Variants in RASSF7 observed in about 807,000 individuals in gnomAD.
The protein encoded by RASSF7 is Ras association domain family member 7, also known as ras association domain-containing protein 7.
A neutral mutation model predicts 33.8 loss-of-function variants in RASSF7; 41 were observed. The observed-to-expected ratio is 1.21, with a 90% confidence interval of 0.95 to 1.57. The LOEUF (loss-of-function observed/expected upper bound fraction) is 1.57, where lower values mean the gene tolerates loss of function less well. RASSF7 is among the 40% of genes most tolerant of loss of function. The probability of loss-of-function intolerance (pLI) is 0.00; values close to 1 mark genes in which losing one functional copy is unlikely to be tolerated. For missense variants in RASSF7, 622 were observed against 497.0 expected (o/e 1.25, Z -2.39); for synonymous variants, 298 against 212.8 (o/e 1.40, Z -3.48).
In RASSF7 at chr11:563,289, G is replaced by A. The variant is rs34358040; in HGVS notation, c.923G>A (p.Arg308Gln). 6.1e-4 allele frequency: 983 copies of A among 1,610,520 alleles called. 6 individuals are homozygous for A. The African/African-American group carries it at 0.011, about 19-fold the overall frequency. The change falls in exon 4 of 6, where the codon CGG (arginine) becomes CAG (glutamine). Residue 308 changes from arginine (R) to glutamine (Q), a missense_variant. Arg to Gln is a conservative substitution (Grantham distance 43). Transcript: ENST00000397583. ...GGGGCTGCGCTGCCACCGCCCCCAC[G>A]GCCTGACAGGGGCCCTCCTGGCACT... is the stretch of plus-strand genomic sequence containing the variant. ...QTGAALPPPP[R>Q]PDRGPPGTQG...
rs746222609 is a variant in RASSF7 at position 561,855 on chromosome 11, C to T, written c.87C>T (p.Thr29=). 2.1e-5 allele frequency: 34 copies of T among 1,613,574 alleles called. No individual in the cohort carries two copies. The highest frequency in any genetic ancestry group is 2.9e-5 in the Non-Finnish European group (34 of 1,179,998). The change falls in exon 2 of 6, where the codon ACC becomes ACT. Residue 29 remains threonine, a synonymous_variant. Transcript: ENST00000397583. Reference sequence around the variant, plus strand: ...TCTGTGGGGTCTCAGAGCAGACCACCTGCCAGGAAGTGGTCATCGCACTAG... The same window carrying T: ...TCTGTGGGGTCTCAGAGCAGACCACTTGCCAGGAAGTGGTCATCGCACTAG... ...RVVCGVSEQT[T]CQEVVIALAQ...
chr11:562,117 G>A lies in RASSF7; in HGVS notation c.163G>A (p.Glu55Lys), dbSNP rs1256814157. The change falls in exon 3 of 6, where the codon GAG (glutamate) becomes AAG (lysine). Residue 55 changes from glutamate (E) to lysine (K), a missense_variant. Transcript: ENST00000397583. Reference sequence around the variant, plus strand: ...CTTTGTGCTTGTGCAGCGGCTTCGGGAGAAGGAGCGGCAGTTGCTGCCACA... The same window carrying A: ...CTTTGTGCTTGTGCAGCGGCTTCGGAAGAAGGAGCGGCAGTTGCTGCCACA... ...GRFVLVQRLR[E>K]KERQLLPQEC... is the part of the protein sequence containing the mutation. 1.3e-6 allele frequency: 2 copies of A among 1,536,730 alleles called. No individual in the cohort carries two copies. The highest frequency in any genetic ancestry group is 2.3e-5 in the East Asian group (1 of 43,984).
Position 561,190 on chromosome 11 carries a change from C to T in RASSF7, c.-295C>T, listed in dbSNP as rs905829742. The T allele has an allele frequency of 1.1e-4, 111 of 984,872 alleles. 1 individual carries two copies. The highest frequency in any genetic ancestry group is 1.3e-4 in the Non-Finnish European group (108 of 829,810). 61.0% of individuals were successfully genotyped at this position (984,872 alleles called of 1,614,324 possible). On this transcript the variant is annotated 5_prime_UTR_variant, in exon 1 of 6. Coordinates refer to ENST00000397583, the MANE Select transcript of RASSF7 (RefSeq NM_003475.4). ...GCCCTGCGGAACGGGGACGCCCTGG[C>T]TCCCGCCAGGCTGGGGTCGCGGCGC...
rs1428551285 is a variant in RASSF7 at position 563,747 on chromosome 11, G to A, written c.*102G>A. 11 of 1,167,440 alleles carry A rather than the reference G, an allele frequency of 9.4e-6. No homozygotes were observed. Among genetic ancestry groups the A allele is most frequent in the Admixed American group, 2.3e-5 (1 of 43,782 alleles). The allele number at this position is 1,167,440 out of a possible 1,614,324, so 72.3% of individuals were successfully genotyped here. The stretch of plus-strand genomic sequence containing the variant: ...CAGGCAGTGGGAAGCCCTGGGTTTG[G>A]CCTCAGGAGCTGGGGGTGCAGTGGG... On this transcript the variant is annotated 3_prime_UTR_variant, in exon 6 of 6. Coordinates refer to ENST00000397583, the MANE Select transcript of RASSF7 (RefSeq NM_003475.4).
In RASSF7 at chr11:562,279, C is replaced by T. The variant is rs761343590; in HGVS notation, c.325C>T (p.Arg109Cys). 4.3e-6 allele frequency: 7 copies of T among 1,612,886 alleles called. No individual in the cohort carries two copies. The highest frequency in any genetic ancestry group is 2.2e-5 in the South Asian group (2 of 91,078). Residue 109 changes from arginine to cysteine, a missense_variant, in exon 3 of 6, where the codon CGT becomes TGT. Physicochemically the swap from Arg to Cys is radical, Grantham distance 180 (BLOSUM62 -3). Transcript: ENST00000397583. ...SCPPPERCLI[R>C]ASLPVKPRAA... ...TCCACCCCCGGAACGCTGCCTAATT[C>T]GTGCCAGCCTCCCTGTAAAGCCACG...
Position 563,240 on chromosome 11 carries a change from C to T in RASSF7, c.874C>T (p.Leu292=), listed in dbSNP as rs374951882. 7.5e-6 allele frequency: 12 copies of T among 1,609,974 alleles called. No individual in the cohort carries two copies. In the South Asian group the frequency reaches 1.1e-4, roughly 15 times the overall value. The change falls in exon 4 of 6, where the codon CTG becomes TTG. Residue 292 remains leucine (L), a synonymous_variant. Coordinates refer to ENST00000397583, the MANE Select transcript of RASSF7 (RefSeq NM_003475.4). ...GAACCGAGAGCTCCGTCAGTGCAAC[C>T]TGCAGCAGTTCATCCAGCAGACCGG... is the stretch of plus-strand genomic sequence containing the variant. ...ELNRELRQCN[L]QQFIQQTGAA... is the part of the protein sequence containing the mutation.
At position 562,101 on chromosome 11, in the gene RASSF7, T is replaced by G; in HGVS notation, c.147T>G (p.Leu49=). The change falls in exon 3 of 6, where the codon CTT becomes CTG. Residue 49 remains leucine (L), a synonymous_variant. Coordinates refer to ENST00000397583, the MANE Select transcript of RASSF7 (RefSeq NM_003475.4). ...QAIGQTGRFV[L]VQRLREKERQ... is the part of the protein sequence containing the mutation. ...CAGGCCAGACTGGCCGCTTTGTGCT[T>G]GTGCAGCGGCTTCGGGAGAAGGAGC... is the stretch of plus-strand genomic sequence containing the variant. 1 of 1,528,048 alleles carries G rather than the reference T, an allele frequency of 6.5e-7. No individual in the cohort carries two copies. The highest frequency in any genetic ancestry group is 1.4e-5 in the African/African-American group (1 of 72,388). The allele number at this position is 1,528,048 out of a possible 1,614,324, so 94.7% of individuals were successfully genotyped here. A position where few individuals can be genotyped will look rare whatever the true frequency, so the allele number is the denominator to read the frequency against.
Position 563,650 on chromosome 11 carries a change from C to T in RASSF7, c.*5C>T, listed in dbSNP as rs1319355297. ...GCCCAGCCCCAGGCTCTGTGACAGC[C>T]TAGTGAGGGCTGCAAGACCATCCTG... On this transcript the variant is annotated 3_prime_UTR_variant, in exon 6 of 6. Transcript: ENST00000397583. 6.2e-7 allele frequency: 1 copy of T among 1,605,094 alleles called. No homozygotes were observed. The highest frequency in any genetic ancestry group is 8.5e-7 in the Non-Finnish European group (1 of 1,177,978).
Position 562,628 on chromosome 11 carries a change from C to T in RASSF7, c.674C>T (p.Ala225Val), listed in dbSNP as rs1449548442. 1.0e-5 allele frequency: 16 copies of T among 1,543,214 alleles called. No individual in the cohort carries two copies. Among genetic ancestry groups the T allele is most frequent in the South Asian group, 4.8e-5 (4 of 83,950 alleles). Residue 225 changes from alanine to valine, a missense_variant, in exon 3 of 6, where the codon GCG (alanine) becomes GTG (valine). Transcript: ENST00000397583. ...CTGGAGGCTGAGCTGCAGCTGGCAG[C>T]GGAGGCCCCTGGGCCCCCCTCACCT... Reference protein sequence around the residue: ...RALEAELQLAAEAPGPPSPMA... With the variant: ...RALEAELQLAVEAPGPPSPMA...
At position 563,320 on chromosome 11, in the gene RASSF7, C is replaced by T. The variant is rs368570830; in HGVS notation, c.951+3C>T. 3.3e-4 allele frequency: 528 copies of T among 1,608,186 alleles called. No homozygotes were observed. The highest frequency in any genetic ancestry group is 4.8e-4 in the African/African-American group (36 of 74,844). ...ACAGGGGCCCTCCTGGCACTCAGGT[C>T]GGAGTGGTTCTGGGGGGAGGCTGGG... On this transcript the variant is annotated splice_donor_region_variant and intron_variant, in intron 4 of 5. Transcript: ENST00000397583.
chr11:563,028 G>T (rs1348734091), intron 3 of RASSF7, among the ~76,000 whole-genome samples, 161 bp from the exon 4 acceptor site: 38 of 149,722 alleles, frequency 2.5e-4, no homozygotes, highest in Admixed American at 2.3e-3. Flanking sequence ...TCCCACTCGG[G>T]AGGCAGGTGA....
chr11:563,478 G>T lies in RASSF7; in HGVS notation c.1034G>T (p.Gly345Val), dbSNP rs770420294. 7.5e-6 allele frequency: 12 copies of T among 1,610,350 alleles called. No homozygotes were observed. Among genetic ancestry groups the T allele is most frequent in the Middle Eastern group, 1.6e-4 (1 of 6,070 alleles). ...SHAGAQPRPR[G>V]GPHDAELLEV... ...GCTGGTGCCCAGCCTAGGCCCCGAG[G>T]GTATGTCTGTGCCCCACCTCCCCCT... is the stretch of plus-strand genomic sequence containing the variant. The change falls in exon 5 of 6, where the codon GGT becomes GTT. Residue 345 changes from glycine (G) to valine (V), a missense_variant and splice_region_variant. By Grantham distance (109) the Gly-to-Val change is moderately radical. Coordinates refer to ENST00000397583, the MANE Select transcript of RASSF7 (RefSeq NM_003475.4).
At chr11:563,370 C>T (rs1177920260) in intron 4 of RASSF7, 26 bp from the exon 5 acceptor site, 3 of 1,609,058 alleles carry the variant, frequency 1.9e-6, no homozygotes, top group African/African-American at 1.3e-5. Context: ...CCCAGCCCCA[C>T]TCCAAGCTGA....
Position 562,732 on chromosome 11 carries a change from G to C in RASSF7, c.778G>C (p.Ala260Pro). ...RQSAEVQGSLALVSRALEAAE... is the reference protein window; with the variant it reads ...RQSAEVQGSLPLVSRALEAAE... ...GAGTGCGGAGGTGCAGGGCAGCCTG[G>C]CTCTGGTGAGCCGGGCCCTGGAGGC... The change falls in exon 3 of 6, where the codon GCT (alanine) becomes CCT (proline). Residue 260 changes from alanine (A) to proline (P), a missense_variant. By Grantham distance (27) the Ala-to-Pro change is conservative. Coordinates refer to ENST00000397583, the MANE Select transcript of RASSF7 (RefSeq NM_003475.4). 1 of 1,533,304 alleles carries C rather than the reference G, an allele frequency of 6.5e-7. No individual in the cohort carries two copies. Among genetic ancestry groups the C allele is most frequent in the Non-Finnish European group, 8.7e-7 (1 of 1,143,376 alleles). The allele number at this position is 1,533,304 out of a possible 1,614,324, so 95.0% of individuals were successfully genotyped here.
intron 3 of RASSF7, 30 bp downstream of exon 3, chr11:562,806 TC>T: frequency 1.1e-5 from 15 of 1,426,470 alleles, no homozygotes; most frequent in Non-Finnish European, 9.2e-6. Flanking sequence ...CCCCTGTCAC[TC>T]CCCCACCCCT....
rs1445886444 is a variant in RASSF7, at chr11:561,188, G to A, written c.-297G>A. The A allele has an allele frequency of 4.1e-6, 4 of 984,854 alleles. No homozygotes were observed. Among genetic ancestry groups the A allele is most frequent in the Non-Finnish European group, 4.8e-6 (4 of 829,802 alleles). 61.0% of individuals were successfully genotyped at this position (984,854 alleles called of 1,614,324 possible). On this transcript the variant is annotated 5_prime_UTR_variant, in exon 1 of 6. The change creates a premature stop within an existing upstream ORF in the 5' untranslated region. Transcript: ENST00000397583. ...CCGCCCTGCGGAACGGGGACGCCCT[G>A]GCTCCCGCCAGGCTGGGGTCGCGGC...
In RASSF7 at chr11:562,216, G is replaced by A; in HGVS notation, c.262G>A (p.Gly88Arg). Residue 88 changes from glycine to arginine, a missense_variant, in exon 3 of 6, where the codon GGG becomes AGG. Physicochemically the swap from Gly to Arg is moderately radical, Grantham distance 125 (BLOSUM62 -2). Transcript: ENST00000397583. ...SDVQFVLRRT[G>R]PSLAGRPSSD... is the part of the protein sequence containing the mutation. Reference sequence around the variant, plus strand: ...TGTCCAGTTTGTCCTGAGGCGCACAGGGCCCAGCCTAGCTGGGAGGCCCTC... The same window carrying A: ...TGTCCAGTTTGTCCTGAGGCGCACAAGGCCCAGCCTAGCTGGGAGGCCCTC... 1 of 1,609,674 alleles carries A rather than the reference G, an allele frequency of 6.2e-7. No individual in the cohort carries two copies.
rs752928214 is a variant in RASSF7, at chr11:561,885, A to G, written c.117A>G (p.Gln39=). 3.7e-6 allele frequency: 6 copies of G among 1,613,448 alleles called. No individual in the cohort carries two copies. In the South Asian group the frequency reaches 6.6e-5, roughly 18 times the overall value. Residue 39 remains glutamine (Q), a synonymous_variant, in exon 2 of 6, where the codon CAA becomes CAG. Transcript: ENST00000397583. ...AGGAAGTGGTCATCGCACTAGCCCA[A>G]GCAATAGGTGAGTCCTCTCGGGGTC... ...TCQEVVIALA[Q]AIGQTGRFVL... is the part of the protein sequence containing the mutation.
Position 563,484 on chromosome 11 carries a change from T to TCTGTGCCC in RASSF7, c.1034+8_1034+15dup. The TCTGTGCCC allele has an allele frequency of 6.2e-7, 1 of 1,610,276 alleles. No individual in the cohort carries two copies. The highest frequency in any genetic ancestry group is 8.5e-7 in the Non-Finnish European group (1 of 1,179,102). ...GCCCAGCCTAGGCCCCGAGGGTATG[T>TCTGTGCCC]CTGTGCCCCACCTCCCCCTGGGGCA... On this transcript the variant is annotated splice_region_variant and intron_variant, in intron 5 of 5. Coordinates refer to ENST00000397583, the MANE Select transcript of RASSF7 (RefSeq NM_003475.4).
Sources: allele counts gnomAD v4.1 joint callset (sites outside exome capture counted in the v4.1 genomes callset), GRCh38; gene constraint gnomAD v4.1.1; transcripts MANE v1.5; gene names NCBI Gene and HGNC (gene_info 2026-07-23, HGNC 2026-07-21).